The following MIS18A variants were observed in gnomAD, a reference collection of about 807,000 sequenced individuals.
MIS18A encodes the protein protein Mis18-alpha.
MIS18A carries 14 observed loss-of-function variants against 25.0 expected under a neutral mutation model. The observed-to-expected ratio is 0.56, with a 90% CI of 0.37 to 0.88. MIS18A has a LOEUF of 0.88. Ranked by LOEUF, MIS18A falls within the 40% of genes least tolerant of loss-of-function variation. The pLI is 0.00. For missense variants in MIS18A, 292 were observed against 290.8 expected (o/e 1.00, Z -0.03); for synonymous variants, 134 against 118.6 (o/e 1.13, Z -0.84).
the MIS18A span, among the ~76,000 whole-genome samples, chr21:32,216,020 T>C: frequency 6.6e-6 from 1 of 152,142 alleles, no homozygotes; most frequent in Non-Finnish European, 1.5e-5. Context: ...GTGGATGTGG[T>C]GGACTAAAGA....
At chr21:32,196,635 G>A in the MIS18A span, among the ~76,000 whole-genome samples, 2 of 151,920 alleles carry the variant, frequency 1.3e-5, no homozygotes, top group Non-Finnish European at 2.9e-5. Context: ...TTGTATTTTT[G>A]TAGAGATGGG....
the MIS18A span, among the ~76,000 whole-genome samples, chr21:32,244,186 C>T: frequency 1.3e-5 from 2 of 152,168 alleles, no homozygotes; most frequent in African/African-American, 2.4e-5. Flanking sequence ...TGATTTCCTT[C>T]ATATAATATT....
chr21:32,158,663 C>T, the MIS18A span, among the ~76,000 whole-genome samples: 7 of 151,934 alleles, frequency 4.6e-5, no homozygotes, highest in South Asian at 1.0e-3. Context: ...TGAGTAGAGA[C>T]GGGGTTTCTC....
the MIS18A span, among the ~76,000 whole-genome samples, chr21:32,240,893 T>A: frequency 6.6e-6 from 1 of 152,222 alleles, no homozygotes; most frequent in Non-Finnish European, 1.5e-5. Context: ...CAGTTTATTT[T>A]TCTAGCAGTC....
At chr21:32,156,722 G>C in the MIS18A span, among the ~76,000 whole-genome samples, 25 of 151,994 alleles carry the variant, frequency 1.6e-4, no homozygotes, top group Admixed American at 1.6e-3. Flanking sequence ...GGTTTCCAGC[G>C]GGGGGTTGCA....
chr21:32,244,246 G>A, the MIS18A span, among the ~76,000 whole-genome samples: 7 of 152,044 alleles, frequency 4.6e-5, no homozygotes, highest in African/African-American at 1.7e-4. Context: ...TGGATTGCGC[G>A]GGGCCAGGGC....
the MIS18A span, among the ~76,000 whole-genome samples, chr21:32,212,925 C>G: frequency 1.3e-5 from 2 of 152,196 alleles, no homozygotes; most frequent in Admixed American, 1.3e-4. Flanking sequence ...GTCCATTAAA[C>G]CTCTTTCCTT....
the MIS18A span, among the ~76,000 whole-genome samples, chr21:32,181,418 T>C: frequency 6.6e-6 from 1 of 152,214 alleles, no homozygotes; most frequent in Middle Eastern, 3.2e-3. Flanking sequence ...TATGCTCTGT[T>C]GGTTCTGTTT....
At chr21:32,220,305 G>A in the MIS18A span, among the ~76,000 whole-genome samples, 96 of 152,338 alleles carry the variant, frequency 6.3e-4, no homozygotes, top group African/African-American at 2.1e-3. Flanking sequence ...TTGCTGTTCT[G>A]CAGCCTCCAC....
the MIS18A span, among the ~76,000 whole-genome samples, chr21:32,203,800 G>T: frequency 6.6e-6 from 1 of 151,474 alleles, no homozygotes; most frequent in African/African-American, 2.4e-5. Context: ...GTATTTTTTT[G>T]TAGAGACAAG....
chr21:32,241,108 G>A, the MIS18A span, among the ~76,000 whole-genome samples: 12 of 152,178 alleles, frequency 7.9e-5, no homozygotes, highest in African/African-American at 2.9e-4. Context: ...TAGAGAGACC[G>A]TAGTGATTTT....
At chr21:32,178,461 T>C in the MIS18A span, among the ~76,000 whole-genome samples, 3 of 152,196 alleles carry the variant, frequency 2.0e-5, no homozygotes, top group Non-Finnish European at 2.9e-5. Context: ...TCTTCCTGAA[T>C]TATATTTTTT....
At chr21:32,237,508 T>C in the MIS18A span, among the ~76,000 whole-genome samples, 1 of 152,164 alleles carries the variant, frequency 6.6e-6, no homozygotes, top group Non-Finnish European at 1.5e-5. Flanking sequence ...TTAATAATTT[T>C]AGTAACATTA....
the MIS18A span, among the ~76,000 whole-genome samples, chr21:32,230,500 G>T: frequency 6.6e-6 from 1 of 152,164 alleles, no homozygotes; most frequent in African/African-American, 2.4e-5. Context: ...TGCTATCACT[G>T]CCATCACGTA....
At chr21:32,158,169 T>C in the MIS18A span, among the ~76,000 whole-genome samples, 1 of 152,198 alleles carries the variant, frequency 6.6e-6, no homozygotes, top group Non-Finnish European at 1.5e-5. Flanking sequence ...AGGTCTTTAC[T>C]TGTCTGTTTT....
chr21:32,182,057 T>C, the MIS18A span, among the ~76,000 whole-genome samples: 2 of 152,196 alleles, frequency 1.3e-5, no homozygotes, highest in African/African-American at 4.8e-5. Context: ...ACTCAGTAAA[T>C]ATTAGTTGTT....
the MIS18A span, among the ~76,000 whole-genome samples, chr21:32,234,602 C>A: frequency 6.6e-6 from 1 of 152,222 alleles, no homozygotes; most frequent in African/African-American, 2.4e-5. Context: ...GGGACCCCCT[C>A]ATGACTGGCT....
chr21:32,235,401 C>T, the MIS18A span, among the ~76,000 whole-genome samples: 8 of 152,162 alleles, frequency 5.3e-5, no homozygotes, highest in Non-Finnish European at 1.2e-4. Flanking sequence ...TACATAGCTC[C>T]TTCCCCTGCC....
At chr21:32,251,299 T>A in the MIS18A span, among the ~76,000 whole-genome samples, 23 of 152,244 alleles carry the variant, frequency 1.5e-4, no homozygotes, top group African/African-American at 5.3e-4. Context: ...TTTGGGAGGA[T>A]TTTTGTGGCT....
Sources: gnomAD v4.1 joint callset for allele counts (sites outside exome capture counted in the v4.1 genomes callset) on GRCh38, gnomAD v4.1.1 for gene constraint, MANE v1.5 for transcripts, NCBI Gene and HGNC (gene_info 2026-07-23, HGNC 2026-07-21) for gene names.